The following ARIH2 variants were observed in gnomAD, a reference collection of about 807,000 sequenced individuals.
The protein encoded by ARIH2 is E3 ubiquitin-protein ligase ARIH2.
Under a neutral mutation model 79.8 loss-of-function variants are expected in ARIH2, and 12 were observed. The ratio of observed to expected loss-of-function variants is 0.15; its 90% CI spans 0.10 to 0.24. The LOEUF is 0.24. Ranked by LOEUF, ARIH2 falls within the 10% of genes least tolerant of loss-of-function variation. The pLI is 1.00. For missense variants in ARIH2, 301 were observed against 618.3 expected, an observed-to-expected ratio of 0.49 and a Z score of 5.44; for synonymous variants, 224 against 213.9, an observed-to-expected ratio of 1.05 and a Z score of -0.41.
chr3:48,939,587 C>T (rs922481239), intron 3 of ARIH2, among the ~76,000 whole-genome samples: 3 of 151,238 alleles, frequency 2.0e-5, no homozygotes, highest in East Asian at 2.0e-4. Context: ...GAAACCCTGT[C>T]TCTACTAAAA....
intron 3 of ARIH2, chr3:48,943,133 C>A (rs2088583316): frequency 6.6e-6 from 1 of 152,162 alleles, no homozygotes; most frequent in Non-Finnish European, 1.5e-5. Context: ...TATCTGCCCC[C>A]TCCTTTACTT....
chr3:48,983,324 C>T lies in ARIH2; in HGVS notation c.*54C>T, dbSNP rs1300470104. 2 of 1,570,418 alleles carry T rather than the reference C, an allele frequency of 1.3e-6. No individual in the cohort carries two copies. Among genetic ancestry groups the T allele is most frequent in the African/African-American group, 2.7e-5 (2 of 74,054 alleles). On this transcript the variant is annotated 3_prime_UTR_variant, in exon 16 of 16. Coordinates refer to ENST00000356401, the MANE Select transcript of ARIH2 (RefSeq NM_006321.4). ...AAGATGTGGCTGCAAGGTCTCCCGG[C>T]TGCCATACTGCATGCTGCAGGCTCT... is the stretch of plus-strand genomic sequence containing the variant.
chr3:48,919,199 C>T, intron 1 of ARIH2: 11 of 1,287,546 alleles, frequency 8.5e-6, no homozygotes, highest in Non-Finnish European at 1.1e-5. Context: ...CTTTTTTCCT[C>T]CCGCCGCCTT....
At chr3:48,980,555 A>AC in intron 13 of ARIH2, 59 bp downstream of exon 13, 4 of 1,569,616 alleles carry the variant, frequency 2.5e-6, no homozygotes, top group Non-Finnish European at 3.5e-6. Flanking sequence ...TCAGGCACAG[A>AC]CCTCTGATAG....
At chr3:48,938,797 C>G (rs989781246) in intron 3 of ARIH2, among the ~76,000 whole-genome samples, 2 of 151,402 alleles carry the variant, frequency 1.3e-5, no homozygotes, top group Admixed American at 6.6e-5. Flanking sequence ...TTGAAAAGAC[C>G]GTGGACTCTG....
intron 3 of ARIH2, chr3:48,934,950 C>A (rs190933498): frequency 1.0e-6 from 1 of 985,006 alleles, no homozygotes; most frequent in Non-Finnish European, 1.2e-6. Context: ...AGGGGTGATA[C>A]GGTATTTGTG....
chr3:48,983,693 T>C lies in ARIH2; in HGVS notation c.*423T>C, dbSNP rs2092827745. 1 of 169,338 alleles carries C rather than the reference T, an allele frequency of 5.9e-6. No individual in the cohort carries two copies. Among genetic ancestry groups the C allele is most frequent in the Admixed American group, 6.0e-5 (1 of 16,702 alleles). The allele number at this position is 169,338 out of a possible 1,614,324, so 10.5% of individuals were successfully genotyped here. A position where few individuals can be genotyped will look rare whatever the true frequency, so the allele number is the denominator to read the frequency against. ...TTGGAGTGTTTTACCCTCTAGCTGTTTTACTTAGAATGTAACATATGCTGC... is the reference window on the plus strand; with the variant it reads ...TTGGAGTGTTTTACCCTCTAGCTGTCTTACTTAGAATGTAACATATGCTGC... On this transcript the variant is annotated 3_prime_UTR_variant, in exon 16 of 16. Coordinates refer to ENST00000356401, the MANE Select transcript of ARIH2 (RefSeq NM_006321.4).
chr3:48,975,307 C>T (rs1318956326), intron 11 of ARIH2, among the ~76,000 whole-genome samples: 2 of 152,306 alleles, frequency 1.3e-5, no homozygotes, highest in Middle Eastern at 3.4e-3. Context: ...TGGGGCTTAT[C>T]TGTGCTACGT....
Position 48,927,536 on chromosome 3 carries a change from C to T in ARIH2, c.-23C>T. ...GGGAAAAAGCAACTGCTTTCCTGAT[C>T]TGCAACTTGGCTGGATGCTAAGATG... On this transcript the variant is annotated 5_prime_UTR_variant, in exon 3 of 16. Coordinates refer to ENST00000356401, the MANE Select transcript of ARIH2 (RefSeq NM_006321.4). The T allele has an allele frequency of 1.2e-6, 2 of 1,608,650 alleles. No homozygotes were observed. Among genetic ancestry groups the T allele is most frequent in the African/African-American group, 2.7e-5 (2 of 74,614 alleles).
chr3:48,975,046 T>A, intron 11 of ARIH2, 67 bp downstream of exon 11: 1 of 1,613,710 alleles, frequency 6.2e-7, no homozygotes, highest in Non-Finnish European at 8.5e-7. Context: ...CGTTACTATT[T>A]AAGTGAGTAC....
chr3:48,960,289 A>G (rs1277871125), intron 3 of ARIH2, among the ~76,000 whole-genome samples: 1 of 152,136 alleles, frequency 6.6e-6, no homozygotes, highest in Admixed American at 6.6e-5. Flanking sequence ...ACCTAACATT[A>G]AAATGTGAAC....
At chr3:48,935,960 G>A (rs1212595099) in intron 3 of ARIH2, among the ~76,000 whole-genome samples, 1 of 152,066 alleles carries the variant, frequency 6.6e-6, no homozygotes, top group Non-Finnish European at 1.5e-5. Flanking sequence ...TAGAGCCTCT[G>A]GTTCTCTTCT....
chr3:48,948,942 C>A, intron 3 of ARIH2: 2 of 351,114 alleles, frequency 5.7e-6, no homozygotes, highest in South Asian at 2.2e-5. Flanking sequence ...TTTTGTTTAC[C>A]CATTCATTTG....
chr3:48,961,764 G>T, intron 4 of ARIH2, 85 bp downstream of exon 4: 3 of 879,680 alleles, frequency 3.4e-6, no homozygotes, highest in South Asian at 2.8e-5. Flanking sequence ...GACCATATTC[G>T]ACTATATTCC....
In ARIH2 at chr3:48,983,323, G is replaced by A. The variant is rs1350498801; in HGVS notation, c.*53G>A. On this transcript the variant is annotated 3_prime_UTR_variant, in exon 16 of 16. Coordinates refer to ENST00000356401, the MANE Select transcript of ARIH2 (RefSeq NM_006321.4). ...GAAGATGTGGCTGCAAGGTCTCCCG[G>A]CTGCCATACTGCATGCTGCAGGCTC... The A allele has an allele frequency of 3.2e-6, 5 of 1,581,438 alleles. No individual in the cohort carries two copies. Among genetic ancestry groups the A allele is most frequent in the Middle Eastern group, 1.7e-4 (1 of 6,022 alleles).
At chr3:48,979,824 A>G (rs1164880492) in intron 12 of ARIH2, 191 bp downstream of exon 12, 2 of 555,630 alleles carry the variant, frequency 3.6e-6, no homozygotes, top group Non-Finnish European at 6.2e-6. Flanking sequence ...ATCCCCAGCC[A>G]ACAGGGAAGG....
At chr3:48,921,091 G>C (rs2084747646) in intron 1 of ARIH2, among the ~76,000 whole-genome samples, 1 of 75,136 alleles carries the variant, frequency 1.3e-5, no homozygotes. Flanking sequence ...TGAGTAGCTG[G>C]GATTATAGGC....
chr3:48,920,777 C>T (rs1489043824), intron 1 of ARIH2, among the ~76,000 whole-genome samples: 1 of 68,272 alleles, frequency 1.5e-5, no homozygotes, highest in Non-Finnish European at 2.9e-5. Context: ...CTGGCTAACA[C>T]GGTGAAACCC....
intron 2 of ARIH2, among the ~76,000 whole-genome samples, chr3:48,925,599 G>T (rs1463048202): frequency 6.6e-6 from 1 of 151,806 alleles, no homozygotes; most frequent in Non-Finnish European, 1.5e-5. Flanking sequence ...TTTTCAGACA[G>T]ATTACCTACT....
Sources: gnomAD v4.1 joint callset for allele counts (sites outside exome capture counted in the v4.1 genomes callset) on GRCh38, gnomAD v4.1.1 for gene constraint, MANE v1.5 for transcripts, NCBI Gene and HGNC (gene_info 2026-07-23, HGNC 2026-07-21) for gene names.